GASK1A: variants seen among roughly 807,000 people sequenced by gnomAD.
GASK1A encodes golgi associated kinase 1A.
Under a neutral mutation model 41.2 loss-of-function variants are expected in GASK1A, and 40 were observed. The ratio of observed to expected loss-of-function variants is 0.97; its 90% confidence interval spans 0.75 to 1.27. The LOEUF (loss-of-function observed/expected upper bound fraction) is 1.27, where lower values mean the gene tolerates loss of function less well. Ranked by LOEUF, GASK1A falls within the 50% of genes most tolerant of loss-of-function variation. GASK1A has a pLI of 0.00. For synonymous variants in GASK1A, 316 were observed against 307.1 expected, an observed-to-expected ratio of 1.03 and a Z score of -0.30; for missense variants, 678 against 745.1, an observed-to-expected ratio of 0.91 and a Z score of 1.05.
chr3:42,986,415 T>C (rs1018352102), intron 1 of GASK1A, among the ~76,000 whole-genome samples: 1 of 152,210 alleles, frequency 6.6e-6, no homozygotes, highest in African/African-American at 2.4e-5. Context: ...GCAAATCTAA[T>C]ACATGTGTTA....
chr3:43,035,717 T>C (rs1022476203), intron 2 of GASK1A, among the ~76,000 whole-genome samples: 4 of 152,194 alleles, frequency 2.6e-5, no homozygotes, highest in African/African-American at 9.7e-5. Context: ...ATGTACTTAG[T>C]ACAGTGCCTG....
chr3:43,030,653 G>A (rs563249184), intron 1 of GASK1A, among the ~76,000 whole-genome samples: 50 of 152,330 alleles, frequency 3.3e-4, no homozygotes, highest in Non-Finnish European at 6.2e-4. Flanking sequence ...ATGGGCCCCT[G>A]CTCTCTATTT....
chr3:43,009,226 A>G (rs150988750), intron 1 of GASK1A, among the ~76,000 whole-genome samples: 9 of 152,222 alleles, frequency 5.9e-5, no homozygotes, highest in Admixed American at 2.0e-4. Flanking sequence ...ATCCTTCTAG[A>G]TGTTGCCTTT....
At chr3:42,988,845 G>T (rs549709) in intron 1 of GASK1A, among the ~76,000 whole-genome samples, 142,925 of 152,296 alleles carry the variant, frequency 0.94, 67,460 homozygotes, top group East Asian at 1. Flanking sequence ...GCTCCTGCTG[G>T]GGAGGCATTA....
intron 1 of GASK1A, among the ~76,000 whole-genome samples, chr3:43,031,860 A>T (rs1053181363): frequency 6.6e-6 from 1 of 152,242 alleles, no homozygotes; most frequent in African/African-American, 2.4e-5. Flanking sequence ...GTGTGGGGAC[A>T]TCAAGAGATC....
intron 1 of GASK1A, among the ~76,000 whole-genome samples, chr3:43,000,381 C>T (rs1304827304): frequency 6.6e-6 from 1 of 152,238 alleles, no homozygotes; most frequent in Non-Finnish European, 1.5e-5. Context: ...TGTGGACAGA[C>T]AGCCACAGAG....
At chr3:42,980,291 A>T (rs1449662280) in intron 1 of GASK1A, among the ~76,000 whole-genome samples, 2 of 152,224 alleles carry the variant, frequency 1.3e-5, no homozygotes, top group East Asian at 3.9e-4. Context: ...CACAGACACT[A>T]ACAGGCAGAA....
Position 42,979,497 on chromosome 3 carries a change from C to G in GASK1A, c.-146C>G. 6 of 849,214 alleles carry G rather than the reference C, an allele frequency of 7.1e-6. No homozygotes were observed. The highest frequency in any genetic ancestry group is 9.4e-6 in the Non-Finnish European group (6 of 637,934). The allele number at this position is 849,214 out of a possible 1,614,324, so 52.6% of individuals were successfully genotyped here. A position where few individuals can be genotyped will look rare whatever the true frequency, so the allele number is the denominator to read the frequency against. On this transcript the variant is annotated 5_prime_UTR_variant, in exon 1 of 5. Transcript: ENST00000430121. The stretch of plus-strand genomic sequence containing the variant: ...TGGCTGCAGAGAACGTGTGCACCTT[C>G]AGTCCGGGAAACCCGCCCCAGCCGA...
At chr3:42,992,692 G>T (rs1186314245) in intron 1 of GASK1A, among the ~76,000 whole-genome samples, 1 of 152,180 alleles carries the variant, frequency 6.6e-6, no homozygotes, top group Non-Finnish European at 1.5e-5. Context: ...CAGAGGAAGG[G>T]GAAAGGGACG....
At position 43,055,555 on chromosome 3, in the gene GASK1A, G is replaced by A. The variant is rs771399426; in HGVS notation, c.1517+20G>A. 1.0e-5 allele frequency: 16 copies of A among 1,532,410 alleles called. No individual in the cohort carries two copies. In the South Asian group the frequency reaches 1.9e-4, roughly 18 times the overall value. 94.9% of individuals were successfully genotyped at this position (1,532,410 alleles called of 1,614,324 possible). ...AGATGGGTGAGGGTCAAAAGGGTTG[G>A]GTGGAAGTTCATGGGACTGAGACCT... On this transcript the variant is annotated intron_variant, in intron 4 of 4. Transcript: ENST00000430121.
intron 1 of GASK1A, among the ~76,000 whole-genome samples, chr3:43,001,739 T>G (rs1376992260): frequency 6.6e-6 from 1 of 152,106 alleles, no homozygotes; most frequent in Non-Finnish European, 1.5e-5. Context: ...CCCCTGCGGA[T>G]GTAATTAGAC....
chr3:43,029,511 G>A (rs1032419226), intron 1 of GASK1A, among the ~76,000 whole-genome samples: 25 of 152,178 alleles, frequency 1.6e-4, no homozygotes, highest in African/African-American at 5.3e-4. Flanking sequence ...TGGGTATTGG[G>A]GGAAGTGAGG....
rs1168236225 is a variant in GASK1A, at chr3:43,056,158, C to T, written c.1518-18C>T. The T allele has an allele frequency of 1.9e-6, 3 of 1,541,490 alleles. No individual in the cohort carries two copies. Among genetic ancestry groups the T allele is most frequent in the South Asian group, 1.2e-5 (1 of 83,620 alleles). ...TGCTTTTTCTTTCTGTTACGGGGCT[C>T]TGGGGCCTTTGCTCCAGGTTTCCTG... On this transcript the variant is annotated intron_variant, in intron 4 of 4. Transcript: ENST00000430121.
Position 43,054,440 on chromosome 3 carries a change from C to A in GASK1A, c.1413+797C>A, listed in dbSNP as rs559893102. 6.6e-5 allele frequency among the ~76,000 whole-genome samples: 10 copies of A among 152,300 alleles called. No homozygotes were observed. The East Asian group carries it at 1.7e-3, about 26-fold the overall frequency. ...ACAAAGTTTTAATAGCCATTGTTTA[C>A]CCCTGGTGAGCAGGCATTTCACAGA... On this transcript the variant is annotated intron_variant, in intron 3 of 4. Transcript: ENST00000430121.
At chr3:42,993,072 TCTGA>T (rs2089350128) in intron 1 of GASK1A, among the ~76,000 whole-genome samples, 1 of 152,252 alleles carries the variant, frequency 6.6e-6, no homozygotes, top group South Asian at 2.1e-4. Context: ...TTTAATTTTG[TCTGA>T]CTATTAAGCT....
chr3:43,009,020 A>T (rs1361898961), intron 1 of GASK1A, among the ~76,000 whole-genome samples: 2 of 152,234 alleles, frequency 1.3e-5, no homozygotes, highest in African/African-American at 4.8e-5. Flanking sequence ...AATAACTATA[A>T]AAATGTATGC....
At chr3:43,013,143 A>AGTCACAGGAAGGGGCAGTATGAG (rs1358392090) in intron 1 of GASK1A, among the ~76,000 whole-genome samples, 3 of 149,958 alleles carry the variant, frequency 2.0e-5, no homozygotes, top group East Asian at 2.0e-4. Context: ...GGCAGTGTGA[A>AGTCACAGGAAGGGGCAGTATGAG]GTCACAGGAA....
intron 3 of GASK1A, 131 bp downstream of exon 3, chr3:43,053,774 A>G: frequency 1.9e-6 from 2 of 1,054,892 alleles, no homozygotes; most frequent in Non-Finnish European, 2.9e-6. Flanking sequence ...TTTCAGCAGC[A>G]GAACCAGTTG....
intron 1 of GASK1A, among the ~76,000 whole-genome samples, chr3:43,000,395 C>T (rs1167611898): frequency 6.6e-6 from 1 of 152,218 alleles, no homozygotes; most frequent in African/African-American, 2.4e-5. Context: ...CACAGAGTCT[C>T]AAAAGCAGAA....
Sources: gnomAD v4.1 joint callset for allele counts (sites outside exome capture counted in the v4.1 genomes callset) on GRCh38, gnomAD v4.1.1 for gene constraint, MANE v1.5 for transcripts, NCBI Gene and HGNC (gene_info 2026-07-23, HGNC 2026-07-21) for gene names.